EPHA6: variants seen among roughly 807,000 people sequenced by gnomAD.
EPHA6 encodes EPH receptor A6, also known as ephrin type-A receptor 6.
Under a neutral mutation model 112.0 loss-of-function variants are expected in EPHA6, and 50 were observed. That is an observed-to-expected ratio of 0.45 (90% CI 0.36 to 0.56). The LOEUF (loss-of-function observed/expected upper bound fraction) is 0.56. Ranked by LOEUF, EPHA6 falls within the 20% of genes least tolerant of loss-of-function variation. EPHA6 has a pLI of 0.00. For synonymous variants in EPHA6, 529 were observed against 490.7 expected (o/e 1.08, Z -1.03); for missense variants, 1,280 against 1,417.4 (o/e 0.90, Z 1.56).
intron 3 of EPHA6, among the ~76,000 whole-genome samples, chr3:97,135,719 A>G (rs1257485087): frequency 6.6e-6 from 1 of 151,248 alleles, no homozygotes; most frequent in Non-Finnish European, 1.5e-5. Flanking sequence ...TGGTTCTTGC[A>G]TCTTATTTGA....
At chr3:96,939,959 T>TA (rs1437133208) in intron 2 of EPHA6, among the ~76,000 whole-genome samples, 1 of 152,164 alleles carries the variant, frequency 6.6e-6, no homozygotes, top group Non-Finnish European at 1.5e-5. Context: ...TGCACTGTGG[T>TA]CTGAGAGACA....
At chr3:97,593,630 G>C (rs1027920512) in intron 12 of EPHA6, among the ~76,000 whole-genome samples, 5 of 152,138 alleles carry the variant, frequency 3.3e-5, no homozygotes, top group African/African-American at 1.2e-4. Context: ...AAAAGACTGG[G>C]AAATCCAATA....
intron 6 of EPHA6, among the ~76,000 whole-genome samples, chr3:97,420,711 A>G (rs1321562967): frequency 6.6e-6 from 1 of 152,116 alleles, no homozygotes; most frequent in Non-Finnish European, 1.5e-5. Flanking sequence ...TAAGGCCAGA[A>G]TAACCTCTTA....
At chr3:96,832,007 T>C (rs1389509567) in intron 1 of EPHA6, among the ~76,000 whole-genome samples, 1 of 151,996 alleles carries the variant, frequency 6.6e-6, no homozygotes, top group East Asian at 1.9e-4. Flanking sequence ...CTTGAGTGGG[T>C]CAAGCCCCTG....
At chr3:97,571,820 A>T (rs1398542685) in intron 11 of EPHA6, among the ~76,000 whole-genome samples, 1 of 152,174 alleles carries the variant, frequency 6.6e-6, no homozygotes, top group African/African-American at 2.4e-5. Context: ...TTCACAAAAG[A>T]CTAATTGCCA....
At chr3:97,314,629 C>T (rs1310917737) in intron 5 of EPHA6, among the ~76,000 whole-genome samples, 4 of 151,526 alleles carry the variant, frequency 2.6e-5, no homozygotes. Flanking sequence ...AGACAGGTAA[C>T]ATTTTTATAA....
At chr3:97,052,980 G>A (rs1223351357) in intron 3 of EPHA6, among the ~76,000 whole-genome samples, 1 of 151,966 alleles carries the variant, frequency 6.6e-6, no homozygotes, top group East Asian at 1.9e-4. Context: ...AGTTCCAAGA[G>A]GTGAGGTATA....
At position 97,451,794 on chromosome 3, in the gene EPHA6, T is replaced by C. The variant is rs139460429; in HGVS notation, c.1894+3064T>C. 2.6e-5 allele frequency among the ~76,000 whole-genome samples: 4 copies of C among 152,030 alleles called. No homozygotes were observed. The East Asian group carries it at 7.7e-4, about 29-fold the overall frequency. ...CCTCCTGGCTCTTCTTTAAATTTTA[T>C]AGCCTTTGTTTCTCAAGTAGTGCCT... On this transcript the variant is annotated intron_variant, in intron 7 of 17. Coordinates refer to ENST00000389672, the MANE Select transcript of EPHA6 (RefSeq NM_001080448.3).
intron 14 of EPHA6, among the ~76,000 whole-genome samples, chr3:97,651,407 C>A (rs2094106616): frequency 6.6e-6 from 1 of 151,928 alleles, no homozygotes; most frequent in Non-Finnish European, 1.5e-5. Context: ...TCTCTAAAAG[C>A]ATATTGAACA....
chr3:96,919,499 A>G (rs1022073230), intron 2 of EPHA6, among the ~76,000 whole-genome samples: 1 of 151,840 alleles, frequency 6.6e-6, no homozygotes, highest in Non-Finnish European at 1.5e-5. Context: ...CTTAAAAATG[A>G]CTCATTTAGT....
At chr3:97,309,255 C>A (rs1332812139) in intron 5 of EPHA6, among the ~76,000 whole-genome samples, 1 of 151,126 alleles carries the variant, frequency 6.6e-6, no homozygotes, top group African/African-American at 2.4e-5. Flanking sequence ...GTTATTTTTC[C>A]CCCAACACTG....
At chr3:97,287,470 CAA>C (rs5851060) in intron 5 of EPHA6, among the ~76,000 whole-genome samples, 1,828 of 141,546 alleles carry the variant, frequency 0.013, 36 homozygotes, top group African/African-American at 0.043. Flanking sequence ...GTCTCAAAAA[CAA>C]AAAAAAAACA....
At chr3:97,727,278 G>T (rs1301990354) in intron 15 of EPHA6, among the ~76,000 whole-genome samples, 1 of 152,002 alleles carries the variant, frequency 6.6e-6, no homozygotes, top group African/African-American at 2.4e-5. Context: ...TCACCTGAGG[G>T]GGAAAATATG....
intron 14 of EPHA6, among the ~76,000 whole-genome samples, chr3:97,643,441 A>G (rs1560222832): frequency 6.6e-6 from 1 of 151,982 alleles, no homozygotes; most frequent in Admixed American, 6.6e-5. Context: ...ACACATAACA[A>G]TATTAACTTT....
chr3:97,744,368 T>G lies in EPHA6; in HGVS notation c.3129-3055T>G, dbSNP rs551889831. On this transcript the variant is annotated intron_variant, in intron 16 of 17. Transcript: ENST00000389672. ...TTTGATAAGAAAGGGCATTTATTGT[T>G]TATTAGGTAATATTCCAGAGAATTC... 5.3e-5 allele frequency among the ~76,000 whole-genome samples: 8 copies of G among 152,180 alleles called. No homozygotes were observed. The South Asian group carries it at 1.7e-3, about 32-fold the overall frequency.
chr3:96,939,186 A>G (rs1402328083), intron 2 of EPHA6, among the ~76,000 whole-genome samples: 1 of 152,214 alleles, frequency 6.6e-6, no homozygotes, highest in Admixed American at 6.5e-5. Flanking sequence ...GAATGGTACC[A>G]GCTCCTCCTT....
intron 2 of EPHA6, among the ~76,000 whole-genome samples, chr3:96,942,027 G>T (rs865873065): frequency 1.3e-5 from 2 of 152,188 alleles, no homozygotes; most frequent in East Asian, 1.9e-4. Flanking sequence ...TGCCCCTACT[G>T]GGGGGTGCCT....
In EPHA6 at chr3:96,834,425, GAAGT is replaced by G. The variant is rs1389301537; in HGVS notation, c.385+19423_385+19426del. On this transcript the variant is annotated intron_variant, in intron 1 of 17. Transcript: ENST00000389672. ...AAGGCAAAAAGTGAAAGAAGAATTA[GAAGT>G]AAGTAGGAAGTATTTTGAAGGTGTA... Among the ~76,000 whole-genome samples, 4 of 151,930 alleles carry G rather than the reference GAAGT, an allele frequency of 2.6e-5. No homozygotes were observed. In the East Asian group the frequency reaches 7.7e-4, roughly 29 times the overall value.
intron 1 of EPHA6, among the ~76,000 whole-genome samples, chr3:96,852,311 TG>T (rs1186933985): frequency 6.6e-6 from 1 of 151,842 alleles, no homozygotes; most frequent in East Asian, 1.9e-4. Flanking sequence ...CTGGCCAACA[TG>T]GTAAAACCCC....
Sources: gnomAD v4.1 joint callset for allele counts (sites outside exome capture counted in the v4.1 genomes callset) on GRCh38, gnomAD v4.1.1 for gene constraint, MANE v1.5 for transcripts, NCBI Gene and HGNC (gene_info 2026-07-23, HGNC 2026-07-21) for gene names.